The following FAF1 variants were observed in gnomAD, a reference collection of about 807,000 sequenced individuals.
The protein encoded by FAF1 is Fas associated factor 1.
FAF1 carries 25 observed loss-of-function variants against 92.5 expected under a neutral mutation model. That is an observed-to-expected ratio of 0.27 (90% CI 0.20 to 0.38). The LOEUF is 0.38. FAF1 is among the 10% of genes least tolerant of loss of function. The pLI is 1.00. For missense variants in FAF1, 636 were observed against 793.3 expected, an observed-to-expected ratio of 0.80 and a Z score of 2.38; for synonymous variants, 234 against 273.2, an observed-to-expected ratio of 0.86 and a Z score of 1.42.
At chr1:50,559,186 GT>G (rs1279655920) in intron 13 of FAF1, among the ~76,000 whole-genome samples, 1 of 151,820 alleles carries the variant, frequency 6.6e-6, no homozygotes, top group Non-Finnish European at 1.5e-5. Context: ...AGGAGGTGGA[GT>G]TTGCAGTGAG....
At chr1:50,845,837 T>C (rs1644294226) in intron 2 of FAF1, among the ~76,000 whole-genome samples, 2 of 151,942 alleles carry the variant, frequency 1.3e-5, no homozygotes, top group Admixed American at 1.3e-4. Context: ...AAAGGAAGAC[T>C]CGTGGCCAGG....
chr1:50,479,875 T>C (rs536320810), intron 17 of FAF1, among the ~76,000 whole-genome samples: 5 of 152,240 alleles, frequency 3.3e-5, no homozygotes, highest in African/African-American at 4.8e-5. Context: ...ACCTTGAGAT[T>C]TGAATATCCA....
chr1:50,682,006 G>A (rs529401866), intron 7 of FAF1, among the ~76,000 whole-genome samples: 2 of 151,460 alleles, frequency 1.3e-5, no homozygotes, highest in South Asian at 4.2e-4. Context: ...GCTAATTTTT[G>A]TATTTTTTTG....
chr1:50,851,856 G>T (rs747243381), intron 2 of FAF1, among the ~76,000 whole-genome samples: 8 of 152,022 alleles, frequency 5.3e-5, no homozygotes, highest in Non-Finnish European at 1.2e-4. Context: ...ACCAATGTGA[G>T]TTTAGTGAAC....
chr1:50,494,726 T>G (rs904783534), intron 15 of FAF1, among the ~76,000 whole-genome samples: 1 of 152,212 alleles, frequency 6.6e-6, no homozygotes, highest in African/African-American at 2.4e-5. Context: ...GGTAAAAGAC[T>G]CTATTTCATA....
chr1:50,737,934 T>C (rs149327488), intron 6 of FAF1, among the ~76,000 whole-genome samples: 38 of 152,222 alleles, frequency 2.5e-4, no homozygotes, highest in African/African-American at 8.7e-4. Context: ...AAAATAAACA[T>C]AGTTCTGGAA....
At chr1:50,548,580 T>G (rs1649145551) in intron 13 of FAF1, among the ~76,000 whole-genome samples, 1 of 152,236 alleles carries the variant, frequency 6.6e-6, no homozygotes, top group Non-Finnish European at 1.5e-5. Flanking sequence ...ATTACAGTCT[T>G]CAGGGCCCTT....
At chr1:50,810,881 T>C (rs999958120) in intron 2 of FAF1, among the ~76,000 whole-genome samples, 1 of 152,182 alleles carries the variant, frequency 6.6e-6, no homozygotes, top group Non-Finnish European at 1.5e-5. Flanking sequence ...AGACCCCGTC[T>C]CTACTGAAAA....
At chr1:50,938,313 T>C (rs1040466149) in intron 1 of FAF1, among the ~76,000 whole-genome samples, 10 of 152,170 alleles carry the variant, frequency 6.6e-5, no homozygotes, top group African/African-American at 2.4e-4. Context: ...ACTACCTTCA[T>C]AAAGGTCTCC....
At chr1:50,619,408 A>G (rs1024766478) in intron 8 of FAF1, among the ~76,000 whole-genome samples, 3 of 152,094 alleles carry the variant, frequency 2.0e-5, no homozygotes, top group African/African-American at 7.2e-5. Context: ...TCCCAGAAGG[A>G]CCTCTTATAA....
chr1:50,769,568 C>T (rs1351036583), intron 4 of FAF1, among the ~76,000 whole-genome samples: 5 of 152,138 alleles, frequency 3.3e-5, no homozygotes, highest in South Asian at 2.1e-4. Flanking sequence ...AAACCAAATC[C>T]GGCTGCACAT....
chr1:50,782,457 C>CTT (rs1413996598), intron 4 of FAF1, among the ~76,000 whole-genome samples: 1 of 151,880 alleles, frequency 6.6e-6, no homozygotes, highest in East Asian at 1.9e-4. Flanking sequence ...AAAAAGCTTA[C>CTT]AGAAAAAGGA....
chr1:50,931,892 AATAATAATAATAAT>A lies in FAF1; in HGVS notation c.45+27861_45+27874del, dbSNP rs1228224052. ...CTGTCTCAAAAATAAATAAATAAAT[AATAATAATAATAAT>A]AATAATAATAATAATAATAATAGCA... On this transcript the variant is annotated intron_variant, in intron 1 of 18. Coordinates refer to ENST00000396153, the MANE Select transcript of FAF1 (RefSeq NM_007051.3). Among the ~76,000 whole-genome samples, 232 of 113,556 alleles carry A rather than the reference AATAATAATAATAAT, an allele frequency of 2.0e-3. 1 individual carries two copies. The highest frequency in any genetic ancestry group is 3.0e-3 in the Non-Finnish European group (164 of 54,244). 74.5% of individuals were successfully genotyped at this position (113,556 alleles called of 152,430 possible). A position where few individuals can be genotyped will look rare whatever the true frequency, so the allele number is the denominator to read the frequency against.
intron 7 of FAF1, among the ~76,000 whole-genome samples, chr1:50,686,891 C>T (rs572482462): frequency 3.3e-5 from 5 of 152,136 alleles, no homozygotes; most frequent in Middle Eastern, 3.4e-3. Flanking sequence ...TGCAGTGGCG[C>T]GATCTTGGCT....
chr1:50,919,095 T>C (rs1478529825), intron 1 of FAF1, among the ~76,000 whole-genome samples: 2 of 152,242 alleles, frequency 1.3e-5, no homozygotes, highest in African/African-American at 4.8e-5. Flanking sequence ...TCCTTAATAA[T>C]TTTGTTTTAT....
At chr1:50,678,427 C>T (rs565131027) in intron 7 of FAF1, among the ~76,000 whole-genome samples, 1 of 152,300 alleles carries the variant, frequency 6.6e-6, no homozygotes, top group Admixed American at 6.5e-5. Context: ...GTAATTTACA[C>T]ATTTGGCCAG....
intron 6 of FAF1, among the ~76,000 whole-genome samples, chr1:50,723,897 T>C (rs1203399791): frequency 2.0e-5 from 3 of 152,060 alleles, no homozygotes; most frequent in African/African-American, 7.2e-5. Context: ...TACAGGCACC[T>C]GCCACCACAC....
At chr1:50,648,923 T>C (rs1054545141) in intron 8 of FAF1, among the ~76,000 whole-genome samples, 13 of 151,954 alleles carry the variant, frequency 8.6e-5, no homozygotes, top group Non-Finnish European at 4.4e-5. Flanking sequence ...CGAAACTCCA[T>C]CTCAAAAGTT....
rs184956694 is a variant in FAF1, at chr1:50,916,149, A to G, written c.45+43618T>C. Among the ~76,000 whole-genome samples, 33 of 152,294 alleles carry G rather than the reference A, an allele frequency of 2.2e-4. No individual in the cohort carries two copies. In the East Asian group the frequency reaches 4.4e-3, roughly 20 times the overall value. On this transcript the variant is annotated intron_variant, in intron 1 of 18. Transcript: ENST00000396153. ...AGCACATGAAAGACAGACAAAAACA[A>G]ACAAAAGGGGGTCGTAGGAGGAAGG...
Sources: allele counts gnomAD v4.1 joint callset (sites outside exome capture counted in the v4.1 genomes callset), GRCh38; gene constraint gnomAD v4.1.1; transcripts MANE v1.5; gene names NCBI Gene and HGNC (gene_info 2026-07-23, HGNC 2026-07-21).